The following TIPARP variants were observed in gnomAD, a reference collection of about 807,000 sequenced individuals.
TIPARP encodes TCDD inducible poly(ADP-ribose) polymerase.
Under a neutral mutation model 56.5 loss-of-function variants are expected in TIPARP, and 12 were observed. The observed-to-expected ratio is 0.21, with a 90% CI of 0.14 to 0.34. The LOEUF is 0.34. Among genes scored for constraint, TIPARP ranks in the 10% least tolerant of loss-of-function variants. The pLI, the probability that TIPARP is intolerant of heterozygous loss-of-function variation, is 1.00. For missense variants in TIPARP, 604 were observed against 781.6 expected (o/e 0.77, Z 2.71); for synonymous variants, 296 against 265.7 (o/e 1.11, Z -1.11).
chr3:156,675,765 C>T (rs1722109182), intron 1 of TIPARP: 2 of 152,078 alleles, frequency 1.3e-5, no homozygotes, highest in African/African-American at 4.8e-5. Flanking sequence ...GCCGCAGAAC[C>T]CCAGCGTCAC....
At chr3:156,704,429 C>T (rs1722929486) in intron 5 of TIPARP, among the ~76,000 whole-genome samples, 2 of 152,224 alleles carry the variant, frequency 1.3e-5, no homozygotes, top group South Asian at 2.1e-4. Flanking sequence ...GGAGGGCATC[C>T]TGAGGAAAAA....
chr3:156,703,306 A>G, intron 4 of TIPARP, 118 bp from the exon 5 acceptor site: 1 of 1,091,348 alleles, frequency 9.2e-7, no homozygotes, highest in South Asian at 1.9e-5. Flanking sequence ...TACTTTTAAA[A>G]TAAGCACTTA....
intron 1 of TIPARP, chr3:156,675,177 C>CG (rs1722086522): frequency 7.1e-5 from 1 of 14,002 alleles, no homozygotes; most frequent in Admixed American, 1.0e-3. Flanking sequence ...TTCCCAGACC[C>CG]CGGGGGGGAG....
intron 4 of TIPARP, among the ~76,000 whole-genome samples, chr3:156,702,168 A>T (rs1722865418): frequency 1.3e-5 from 2 of 151,660 alleles, no homozygotes; most frequent in Non-Finnish European, 2.9e-5. Context: ...GTTTTAAAAA[A>T]TATATATATA....
chr3:156,687,746 A>T (rs1722467564), intron 2 of TIPARP, among the ~76,000 whole-genome samples: 2 of 152,142 alleles, frequency 1.3e-5, no homozygotes. Flanking sequence ...TCTTCATTTC[A>T]CTGGGTTCAC....
Position 156,705,149 on chromosome 3 carries a change from A to G in TIPARP, c.*18A>G. 6.5e-7 allele frequency: 1 copy of G among 1,550,324 alleles called. No individual in the cohort carries two copies. Among genetic ancestry groups the G allele is most frequent in the South Asian group, 1.3e-5 (1 of 79,824 alleles). ...CCATTTGAAAAATCTTGGTACTGCT[A>G]AATTATTTGATATGAACTCAATCCA... On this transcript the variant is annotated 3_prime_UTR_variant, in exon 6 of 6. Transcript: ENST00000295924.
chr3:156,677,910 G>A lies in TIPARP; in HGVS notation c.213G>A (p.Gly71=). ...NTLLESGSLD[G]VFRSRNQSTD... ...TTCTAGAATCTGGCTCACTTGATGG[G>A]GTTTTTAGATCTAGGAACCAGAGTA... is the stretch of plus-strand genomic sequence containing the variant. The change falls in exon 2 of 6, where the codon GGG becomes GGA. Residue 71 remains glycine (G), a synonymous_variant. Transcript: ENST00000295924. 2 of 1,614,054 alleles carry A rather than the reference G, an allele frequency of 1.2e-6. No homozygotes were observed. Among genetic ancestry groups the A allele is most frequent in the South Asian group, 2.2e-5 (2 of 91,080 alleles).
intron 4 of TIPARP, among the ~76,000 whole-genome samples, 162 bp downstream of exon 4, chr3:156,696,187 G>A (rs573006126): frequency 2.6e-5 from 4 of 152,248 alleles, no homozygotes; most frequent in Admixed American, 2.0e-4. Flanking sequence ...CAAATTGAGT[G>A]TAAATAAGCT....
intron 4 of TIPARP, among the ~76,000 whole-genome samples, chr3:156,697,323 G>T (rs1362995881): frequency 6.6e-6 from 1 of 152,142 alleles, no homozygotes; most frequent in Non-Finnish European, 1.5e-5. Flanking sequence ...ACTTCTGTGT[G>T]AGGGTAAGAA....
intron 2 of TIPARP, 123 bp from the exon 3 acceptor site, chr3:156,693,896 GT>G: frequency 8.8e-7 from 1 of 1,141,324 alleles, no homozygotes; most frequent in Non-Finnish European, 1.2e-6. Context: ...AGTAAAGCAA[GT>G]TTTGAAAATT....
intron 2 of TIPARP, among the ~76,000 whole-genome samples, chr3:156,691,093 CCT>C (rs1722562840): frequency 1.3e-5 from 2 of 152,232 alleles, no homozygotes; most frequent in Middle Eastern, 3.4e-3. Flanking sequence ...CTCAGATACC[CCT>C]GTTTAGAAGG....
chr3:156,702,031 T>C (rs1722856174), intron 4 of TIPARP, among the ~76,000 whole-genome samples: 2 of 91,990 alleles, frequency 2.2e-5, no homozygotes, highest in South Asian at 3.9e-4. Flanking sequence ...GTGGTGGTGG[T>C]GGTGGTGGTG....
chr3:156,684,771 T>C (rs1722391544), intron 2 of TIPARP, among the ~76,000 whole-genome samples: 1 of 152,216 alleles, frequency 6.6e-6, no homozygotes, highest in African/African-American at 2.4e-5. Context: ...ATAGGGCTTA[T>C]TTTTATATTT....
At chr3:156,693,631 C>T (rs1722634134) in intron 2 of TIPARP, among the ~76,000 whole-genome samples, 1 of 152,104 alleles carries the variant, frequency 6.6e-6, no homozygotes, top group African/African-American at 2.4e-5. Context: ...AAAGGTCAAG[C>T]TTGAAGAGAA....
intron 2 of TIPARP, among the ~76,000 whole-genome samples, chr3:156,684,941 A>G (rs558248720): frequency 3.7e-4 from 57 of 152,330 alleles, no homozygotes; most frequent in Non-Finnish European, 6.6e-4. Flanking sequence ...TTCACTTGTT[A>G]ATAGTGAATT....
At chr3:156,697,213 A>T (rs344017) in intron 4 of TIPARP, among the ~76,000 whole-genome samples, 145,047 of 152,208 alleles carry the variant, frequency 0.95, 69,152 homozygotes, top group Middle Eastern at 0.99. Context: ...AGATAGTGTC[A>T]GTGTCCAGTA....
intron 2 of TIPARP, among the ~76,000 whole-genome samples, chr3:156,682,514 TATATA>T (rs1274816864): frequency 1.3e-5 from 2 of 152,226 alleles, no homozygotes; most frequent in Admixed American, 6.5e-5. Flanking sequence ...ACAGAAACTC[TATATA>T]AAAGAGAAAT....
At chr3:156,682,936 A>G (rs1187118626) in intron 2 of TIPARP, among the ~76,000 whole-genome samples, 2 of 152,224 alleles carry the variant, frequency 1.3e-5, no homozygotes, top group African/African-American at 2.4e-5. Context: ...TTATGCTACT[A>G]TTTACATATG....
At chr3:156,696,154 G>T in intron 4 of TIPARP, 129 bp downstream of exon 4, 2 of 961,080 alleles carry the variant, frequency 2.1e-6, no homozygotes, top group Admixed American at 3.5e-5. Context: ...TTCCAAATTA[G>T]TCTTTGGATT....
Sources: allele counts gnomAD v4.1 joint callset (sites outside exome capture counted in the v4.1 genomes callset), GRCh38; gene constraint gnomAD v4.1.1; transcripts MANE v1.5; gene names NCBI Gene and HGNC (gene_info 2026-07-23, HGNC 2026-07-21).